RAD21L1: variants seen among roughly 807,000 people sequenced by gnomAD.
The protein encoded by RAD21L1 is RAD21 cohesin complex component like 1.
In RAD21L1, 47 loss-of-function variants were observed where a neutral mutation model predicts 69.0. The observed-to-expected ratio is 0.68, with a 90% CI of 0.54 to 0.87. RAD21L1 has a LOEUF of 0.87. Ranked by LOEUF, RAD21L1 falls within the 40% of genes least tolerant of loss-of-function variation. RAD21L1 has a pLI of 0.00. For missense variants in RAD21L1, 583 were observed against 647.6 expected (o/e 0.90, Z 1.08); for synonymous variants, 177 against 205.8 (o/e 0.86, Z 1.20).
chr20:1,242,803 G>C lies in RAD21L1; in HGVS notation c.1041G>C (p.Leu347=). ...AGAGGGGAGGAGTGCATACACTTCTGTCAACTGCTGCCCAGGATTTGATTC... is the reference window on the plus strand; with the variant it reads ...AGAGGGGAGGAGTGCATACACTTCTCTCAACTGCTGCCCAGGATTTGATTC... ...WKKRGGVHTL[L]STAAQDLIHA... The change falls in exon 9 of 14, where the codon CTG becomes CTC. Residue 347 remains leucine (L), a synonymous_variant. Coordinates refer to ENST00000683101, the MANE Select transcript of RAD21L1 (RefSeq NM_001384355.1). 1 of 1,551,544 alleles carries C rather than the reference G, an allele frequency of 6.4e-7. No homozygotes were observed. The highest frequency in any genetic ancestry group is 8.7e-7 in the Non-Finnish European group (1 of 1,146,890).
intron 11 of RAD21L1, 62 bp downstream of exon 11, chr20:1,244,232 T>C (rs1382975368): frequency 8.8e-7 from 1 of 1,140,542 alleles, no homozygotes; most frequent in African/African-American, 1.6e-5. Flanking sequence ...TAAAGGAATG[T>C]TGGGACTCTG....
At chr20:1,249,362 T>C (rs899770890) in intron 13 of RAD21L1, among the ~76,000 whole-genome samples, 1 of 152,230 alleles carries the variant, frequency 6.6e-6, no homozygotes, top group Non-Finnish European at 1.5e-5. Flanking sequence ...TACAGTGTTA[T>C]ATTTGTAATA....
intron 6 of RAD21L1, 41 bp from the exon 7 acceptor site, chr20:1,239,271 A>C (rs909843943): frequency 1.8e-6 from 2 of 1,103,342 alleles, no homozygotes; most frequent in Non-Finnish European, 2.7e-6. Flanking sequence ...CAAATGACAG[A>C]TTCCAGTCTG....
chr20:1,234,123 G>A lies in RAD21L1; in HGVS notation c.407G>A (p.Ser136Asn), dbSNP rs1440194488. 4 of 1,545,712 alleles carry A rather than the reference G, an allele frequency of 2.6e-6. No homozygotes were observed. The highest frequency in any genetic ancestry group is 3.5e-6 in the Non-Finnish European group (4 of 1,142,162). ...TCAGAACACTTTACTCAGAACCAAA[G>A]CAGACCAGAAGAAATCACTCTTAGA... ...DVSEHFTQNQ[S>N]RPEEITLREN... Residue 136 changes from serine (S) to asparagine (N), a missense_variant, in exon 5 of 14, where the codon AGC (serine) becomes AAC (asparagine). Coordinates refer to ENST00000683101, the MANE Select transcript of RAD21L1 (RefSeq NM_001384355.1).
intron 5 of RAD21L1, among the ~76,000 whole-genome samples, chr20:1,235,871 G>A (rs549618539): frequency 1.3e-5 from 2 of 151,964 alleles, no homozygotes; most frequent in South Asian, 4.2e-4. Flanking sequence ...AGGCTCAAGC[G>A]ATTCTCCTGC....
intron 12 of RAD21L1, among the ~76,000 whole-genome samples, chr20:1,248,045 C>CAAAAAAAAAAAAA (rs71327497): frequency 5.6e-5 from 4 of 71,924 alleles, no homozygotes; most frequent in East Asian, 4.7e-4. Context: ...CCTTAAATAC[C>CAAAAAAAAAAAAA]AAAAAAAAAA....
chr20:1,240,808 GC>G (rs1047112485), intron 8 of RAD21L1, among the ~76,000 whole-genome samples: 1 of 152,172 alleles, frequency 6.6e-6, no homozygotes, highest in African/African-American at 2.4e-5. Flanking sequence ...GCATAAACCA[GC>G]CCCCTTAATC....
At position 1,244,095 on chromosome 20, in the gene RAD21L1, C is replaced by G; in HGVS notation, c.1233C>G (p.Pro411=). ...ATTACCAGCAAGAGTTAAGTAAACC[C>G]CAAACTTGGAAGGATGTGATTGGTG... ...EPNYQQELSK[P]QTWKDVIGGS... Residue 411 remains proline (P), a synonymous_variant, in exon 11 of 14, where the codon CCC becomes CCG. Coordinates refer to ENST00000683101, the MANE Select transcript of RAD21L1 (RefSeq NM_001384355.1). The G allele has an allele frequency of 6.5e-7, 1 of 1,549,672 alleles. No homozygotes were observed. The highest frequency in any genetic ancestry group is 8.7e-7 in the Non-Finnish European group (1 of 1,145,358).
At chr20:1,244,708 A>C (rs1324915646) in intron 11 of RAD21L1, among the ~76,000 whole-genome samples, 1 of 152,208 alleles carries the variant, frequency 6.6e-6, no homozygotes, top group Non-Finnish European at 1.5e-5. Context: ...ACAATTGGAA[A>C]TAATGTACTT....
chr20:1,246,924 T>A lies in RAD21L1; in HGVS notation c.1401+619T>A, dbSNP rs950567083. Among the ~76,000 whole-genome samples the A allele has an allele frequency of 3.9e-5, 6 of 152,194 alleles. No individual in the cohort carries two copies. Among genetic ancestry groups the A allele is most frequent in the Non-Finnish European group, 8.8e-5 (6 of 68,016 alleles). ...GATTGTAAGGAATTTTAGTAAAAGT[T>A]TTTTAGTAAATAATATAAAAACACC... On this transcript the variant is annotated intron_variant, in intron 12 of 13. Coordinates refer to ENST00000683101, the MANE Select transcript of RAD21L1 (RefSeq NM_001384355.1). The surrounding 1 kb of genome is among the most constrained non-coding windows in gnomAD (Gnocchi z 4.6).
intron 13 of RAD21L1, among the ~76,000 whole-genome samples, chr20:1,250,444 G>A (rs1405235806): frequency 6.8e-6 from 1 of 147,790 alleles, no homozygotes; most frequent in Admixed American, 6.7e-5. Flanking sequence ...ACCTGTGAGT[G>A]AGAACATGCA....
chr20:1,254,471 A>C lies in RAD21L1; in HGVS notation c.*14A>C. The C allele has an allele frequency of 6.8e-7, 1 of 1,463,740 alleles. No individual in the cohort carries two copies. The highest frequency in any genetic ancestry group is 9.1e-7 in the Non-Finnish European group (1 of 1,094,088). 90.7% of individuals were successfully genotyped at this position (1,463,740 alleles called of 1,614,324 possible). A position where few individuals can be genotyped will look rare whatever the true frequency, so the allele number is the denominator to read the frequency against. On this transcript the variant is annotated 3_prime_UTR_variant, in exon 14 of 14. Transcript: ENST00000683101. ...TATAACATATGAAGGAAACCCAGAC[A>C]TACAGATTTATGGCATCACTGGAAT...
intron 4 of RAD21L1, among the ~76,000 whole-genome samples, chr20:1,232,958 TAGG>T (rs962825283): frequency 1.8e-4 from 27 of 152,174 alleles, no homozygotes; most frequent in African/African-American, 6.3e-4. Context: ...AAGAGACCTG[TAGG>T]AGTTTTCTTG....
chr20:1,254,546 AAGGTCTGATCCATTTCATAGAT>A lies in RAD21L1; in HGVS notation c.*93_*114del. On this transcript the variant is annotated 3_prime_UTR_variant, in exon 14 of 14. Coordinates refer to ENST00000683101, the MANE Select transcript of RAD21L1 (RefSeq NM_001384355.1). Reference sequence around the variant, plus strand: ...TGCAGAAGCCATCTGGAAGCAGCTGAAGGTCTGATCCATTTCATAGATAGGCTGACCTACTTCCTCTCTGTAG... The same window carrying A: ...TGCAGAAGCCATCTGGAAGCAGCTGAAGGCTGACCTACTTCCTCTCTGTAG... 2 of 885,260 alleles carry A rather than the reference AAGGTCTGATCCATTTCATAGAT, an allele frequency of 2.3e-6. No homozygotes were observed. Among genetic ancestry groups the A allele is most frequent in the Non-Finnish European group, 3.2e-6 (2 of 621,128 alleles). The allele number at this position is 885,260 out of a possible 1,614,324, so 54.8% of individuals were successfully genotyped here.
At chr20:1,241,212 T>A (rs1407765) in intron 8 of RAD21L1, among the ~76,000 whole-genome samples, 33,989 of 152,206 alleles carry the variant, frequency 0.22, 4,127 homozygotes, top group African/African-American at 0.31. Flanking sequence ...AGACACACAC[T>A]TTTTACTTTT....
chr20:1,229,535 A>T (rs1330114284), intron 2 of RAD21L1, among the ~76,000 whole-genome samples: 2 of 152,218 alleles, frequency 1.3e-5, no homozygotes, highest in African/African-American at 4.8e-5. Flanking sequence ...ATAATAATAA[A>T]AAAATAAGCT....
chr20:1,227,927 C>T (rs976724412), intron 1 of RAD21L1, among the ~76,000 whole-genome samples: 6 of 152,052 alleles, frequency 3.9e-5, no homozygotes, highest in Non-Finnish European at 8.8e-5. Flanking sequence ...TTGAATAAAC[C>T]AGAGTATCTT....
Position 1,242,837 on chromosome 20 carries a change from C to G in RAD21L1, c.1075C>G (p.Leu359Val). 6.5e-7 allele frequency: 1 copy of G among 1,549,090 alleles called. No homozygotes were observed. The highest frequency in any genetic ancestry group is 8.7e-7 in the Non-Finnish European group (1 of 1,144,658). The change falls in exon 9 of 14, where the codon CTG becomes GTG. Residue 359 changes from leucine (L) to valine (V), a missense_variant. By Grantham distance (32) the Leu-to-Val change is conservative. Transcript: ENST00000683101. Reference sequence around the variant, plus strand: ...TGCCCAGGATTTGATTCATGCTGAACTGAAAATGGTAACGGTTCCTACCCT... The same window carrying G: ...TGCCCAGGATTTGATTCATGCTGAAGTGAAAATGGTAACGGTTCCTACCCT... ...TAAQDLIHAELKMLFTKCFLS... is the reference protein window; with the variant it reads ...TAAQDLIHAEVKMLFTKCFLS...
Position 1,246,077 on chromosome 20 carries a change from A to G in RAD21L1, c.1309-136A>G. The stretch of plus-strand genomic sequence containing the variant: ...CTATCTGGGGTATTTCAGAGATAAT[A>G]TTTTGAGAATGTGGGTAGTATTTTA... On this transcript the variant is annotated intron_variant, in intron 11 of 13. Transcript: ENST00000683101. This position sits in a 1 kb window ranked among gnomAD's most constrained non-coding sequence, Gnocchi z 4.6. 2 of 466,876 alleles carry G rather than the reference A, an allele frequency of 4.3e-6. No individual in the cohort carries two copies. The highest frequency in any genetic ancestry group is 7.5e-6 in the Non-Finnish European group (2 of 265,236). The allele number at this position is 466,876 out of a possible 1,614,324, so 28.9% of individuals were successfully genotyped here.
Sources: allele counts gnomAD v4.1 joint callset (sites outside exome capture counted in the v4.1 genomes callset), GRCh38; gene constraint gnomAD v4.1.1; non-coding constraint Gnocchi (gnomAD v3.1); transcripts MANE v1.5; gene names NCBI Gene and HGNC (gene_info 2026-07-23, HGNC 2026-07-21).